The following NUS1 variants were observed in gnomAD, a reference collection of about 807,000 sequenced individuals.
NUS1 encodes the protein NUS1 dehydrodolichyl diphosphate synthase subunit.
For missense variants in NUS1, 292 were observed against 382.9 expected, an observed-to-expected ratio of 0.76 and a Z score of 1.98; for synonymous variants, 135 against 155.2, an observed-to-expected ratio of 0.87 and a Z score of 0.97.
chr6:117,702,266 T>C (rs766472258), intron 3 of NUS1, among the ~76,000 whole-genome samples: 29 of 152,220 alleles, frequency 1.9e-4, no homozygotes, highest in Non-Finnish European at 3.8e-4. Context: ...GGATTTTCAT[T>C]GTTCCTTTTC....
At chr6:117,693,379 T>A (rs1291231090) in intron 2 of NUS1, among the ~76,000 whole-genome samples, 1 of 152,168 alleles carries the variant, frequency 6.6e-6, no homozygotes, top group Non-Finnish European at 1.5e-5. Flanking sequence ...GCAAATTTTT[T>A]AACTGGTTCC....
At chr6:117,695,197 A>T (rs1299549334) in intron 3 of NUS1, among the ~76,000 whole-genome samples, 44 of 147,318 alleles carry the variant, frequency 3.0e-4, no homozygotes, top group African/African-American at 1.1e-3. Context: ...CTGTCTCAAA[A>T]AAAAAAAAAA....
chr6:117,695,876 G>T lies in NUS1; in HGVS notation c.691+1696G>T, dbSNP rs1470947354. 2.0e-5 allele frequency among the ~76,000 whole-genome samples: 3 copies of T among 151,956 alleles called. No homozygotes were observed. The East Asian group carries it at 5.8e-4, about 30-fold the overall frequency. On this transcript the variant is annotated intron_variant, in intron 3 of 4. Coordinates refer to ENST00000368494, the MANE Select transcript of NUS1 (RefSeq NM_138459.5). ...TTTTTGAGGTTCATCTATGTAAAAT[G>T]CATTAGTTATTCATTGTTTTTTATT...
At chr6:117,699,885 G>T (rs563300829) in intron 3 of NUS1, among the ~76,000 whole-genome samples, 224 of 152,106 alleles carry the variant, frequency 1.5e-3, no homozygotes, top group Non-Finnish European at 2.5e-3. Flanking sequence ...TTTGACAAAG[G>T]TGCCCAGAAC....
At chr6:117,697,046 T>C (rs1000244285) in intron 3 of NUS1, among the ~76,000 whole-genome samples, 1 of 152,146 alleles carries the variant, frequency 6.6e-6, no homozygotes, top group Non-Finnish European at 1.5e-5. Flanking sequence ...TTTTATTAGT[T>C]TTCATTTTGT....
At chr6:117,686,183 C>A (rs939498875) in intron 1 of NUS1, among the ~76,000 whole-genome samples, 1 of 151,618 alleles carries the variant, frequency 6.6e-6, no homozygotes, top group Non-Finnish European at 1.5e-5. Context: ...ATGGCGTGAA[C>A]CCAGGAGAAG....
intron 1 of NUS1, among the ~76,000 whole-genome samples, chr6:117,682,177 C>G (rs1363411081): frequency 6.6e-6 from 1 of 152,190 alleles, no homozygotes; most frequent in African/African-American, 2.4e-5. Context: ...CTGAAGTAGC[C>G]TCTCTCGACT....
chr6:117,705,016 G>A (rs1489216263), intron 4 of NUS1, among the ~76,000 whole-genome samples: 1 of 152,144 alleles, frequency 6.6e-6, no homozygotes, highest in Non-Finnish European at 1.5e-5. Flanking sequence ...TCTCCAAGAT[G>A]TATGAAGGGG....
intron 1 of NUS1, among the ~76,000 whole-genome samples, chr6:117,688,669 A>C (rs1385993682): frequency 6.6e-6 from 1 of 152,166 alleles, no homozygotes; most frequent in African/African-American, 2.4e-5. Flanking sequence ...TTATTAGATA[A>C]GCCGCCAAGG....
Position 117,694,197 on chromosome 6 carries a change from A to G in NUS1, c.691+17A>G, listed in dbSNP as rs758126978. 4.5e-6 allele frequency: 6 copies of G among 1,340,882 alleles called. No homozygotes were observed. Among genetic ancestry groups the G allele is most frequent in the Middle Eastern group, 2.1e-4 (1 of 4,722 alleles). 83.1% of individuals were successfully genotyped at this position (1,340,882 alleles called of 1,614,324 possible). A position where few individuals can be genotyped will look rare whatever the true frequency, so the allele number is the denominator to read the frequency against. On this transcript the variant is annotated intron_variant, in intron 3 of 4. Transcript: ENST00000368494. ...GTTTACTTAGTAAGTTTTTTTATAT[A>G]TATATACATATATATGTATATGTAT...
chr6:117,695,193 C>CAAAAAAAAAAAAAAAA (rs58136219), intron 3 of NUS1, among the ~76,000 whole-genome samples: 53 of 55,240 alleles, frequency 9.6e-4, no homozygotes, highest in Admixed American at 1.6e-3. Context: ...GACCCTGTCT[C>CAAAAAAAAAAAAAAAA]AAAAAAAAAA....
intron 3 of NUS1, among the ~76,000 whole-genome samples, chr6:117,700,303 C>T (rs1265865412): frequency 6.6e-6 from 1 of 152,094 alleles, no homozygotes; most frequent in Non-Finnish European, 1.5e-5. Context: ...GGAAAAAGAT[C>T]TAATCTGATT....
intron 3 of NUS1, among the ~76,000 whole-genome samples, chr6:117,700,938 T>G (rs571488522): frequency 6.6e-5 from 10 of 151,998 alleles, no homozygotes; most frequent in African/African-American, 2.4e-4. Flanking sequence ...TAGAGGATGG[T>G]TGCTAGAGGC....
intron 1 of NUS1, among the ~76,000 whole-genome samples, chr6:117,692,486 G>A (rs1230739165): frequency 2.0e-5 from 3 of 151,928 alleles, no homozygotes; most frequent in African/African-American, 4.8e-5. Flanking sequence ...ACCATACATT[G>A]TTCTTTGTAT....
intron 4 of NUS1, among the ~76,000 whole-genome samples, chr6:117,706,555 C>T (rs1417809334): frequency 1.3e-5 from 2 of 152,158 alleles, no homozygotes; most frequent in Non-Finnish European, 2.9e-5. Flanking sequence ...ATTGTGTGTC[C>T]TTGTCATCTC....
chr6:117,681,248 G>A (rs1429248334), intron 1 of NUS1, among the ~76,000 whole-genome samples: 1 of 152,072 alleles, frequency 6.6e-6, no homozygotes, highest in African/African-American at 2.4e-5. Context: ...TCTCTGCTTT[G>A]TGTAGTCATA....
intron 4 of NUS1, among the ~76,000 whole-genome samples, chr6:117,704,178 T>TAGGC (rs1477629621): frequency 2.0e-5 from 3 of 152,192 alleles, no homozygotes; most frequent in East Asian, 3.9e-4. Context: ...TGTGTAGTGG[T>TAGGC]AGGCAGGCAA....
chr6:117,682,015 G>A (rs1446684800), intron 1 of NUS1, among the ~76,000 whole-genome samples: 3 of 152,140 alleles, frequency 2.0e-5, no homozygotes, highest in Admixed American at 2.0e-4. Flanking sequence ...TGTATTTTTA[G>A]TAGAGATGGG....
In NUS1 at chr6:117,707,235, A is replaced by C. The variant is rs1408148038; in HGVS notation, c.*220A>C. 2 of 456,652 alleles carry C rather than the reference A, an allele frequency of 4.4e-6. No homozygotes were observed. The highest frequency in any genetic ancestry group is 4.0e-5 in the African/African-American group (2 of 50,350). 28.3% of individuals were successfully genotyped at this position (456,652 alleles called of 1,614,324 possible). ...TTTGTATGTATGGAAATAAACTTAT[A>C]AATGGGGACGTATTGGAGAAGGAAA... On this transcript the variant is annotated 3_prime_UTR_variant, in exon 5 of 5. Coordinates refer to ENST00000368494, the MANE Select transcript of NUS1 (RefSeq NM_138459.5).
Sources: gnomAD v4.1 joint callset for allele counts (sites outside exome capture counted in the v4.1 genomes callset) on GRCh38, gnomAD v4.1.1 for gene constraint, MANE v1.5 for transcripts, NCBI Gene and HGNC (gene_info 2026-07-23, HGNC 2026-07-21) for gene names.